ATXN2L: variants seen among roughly 807,000 people sequenced by gnomAD.
The protein encoded by ATXN2L is ataxin-2-like protein.
Under a neutral mutation model 120.7 loss-of-function variants are expected in ATXN2L, and 24 were observed. That is an observed-to-expected ratio of 0.20 (90% confidence interval 0.14 to 0.28). The LOEUF is 0.28. Ranked by LOEUF, ATXN2L falls within the 10% of genes least tolerant of loss-of-function variation. The pLI is 1.00. For synonymous variants in ATXN2L, 653 were observed against 568.1 expected (o/e 1.15, Z -2.13); for missense variants, 1,312 against 1,432.3 (o/e 0.92, Z 1.36).
chr16:28,832,127 T>C, intron 10 of ATXN2L, 78 bp from the exon 11 acceptor site: 1 of 1,484,206 alleles, frequency 6.7e-7, no homozygotes, highest in Non-Finnish European at 9.3e-7. Flanking sequence ...TAAACTTTCT[T>C]GCTGTTTTGA....
Position 28,829,391 on chromosome 16 carries a change from C to G in ATXN2L, c.742-10C>G. The G allele has an allele frequency of 6.2e-7, 1 of 1,600,252 alleles. No individual in the cohort carries two copies. The highest frequency in any genetic ancestry group is 8.6e-7 in the Non-Finnish European group (1 of 1,167,452). ...TGCTGGGTTTTAAAACCACCTTCCT[C>G]CCTCCCCAGTCCAATGGATGGGACC... On this transcript the variant is annotated splice_polypyrimidine_tract_variant and intron_variant, in intron 6 of 21. Transcript: ENST00000336783.
At chr16:28,828,857 G>A (rs955350899) in intron 6 of ATXN2L, among the ~76,000 whole-genome samples, 16 of 152,098 alleles carry the variant, frequency 1.1e-4, no homozygotes, top group Non-Finnish European at 2.2e-4. Context: ...CCAGGTTCAA[G>A]CGATTCTTCT....
In ATXN2L at chr16:28,823,382, G is replaced by T. The variant is rs1325111481; in HGVS notation, c.123G>T (p.Pro41=). The T allele has an allele frequency of 7.5e-7, 1 of 1,338,524 alleles. No individual in the cohort carries two copies. Among genetic ancestry groups the T allele is most frequent in the Non-Finnish European group, 9.5e-7 (1 of 1,048,196 alleles). The allele number at this position is 1,338,524 out of a possible 1,614,324, so 82.9% of individuals were successfully genotyped here. ...TSPPNGGLPG[P]LATSAAPPGP... is the part of the protein sequence containing the mutation. ...CTCCCAACGGCGGCCTCCCGGGGCC[G>T]CTGGCCACCTCTGCGGCTCCTCCCG... The change falls in exon 1 of 22, where the codon CCG becomes CCT. Residue 41 remains proline, a synonymous_variant. Transcript: ENST00000336783.
At chr16:28,825,866 T>C in intron 4 of ATXN2L, 25 bp downstream of exon 4, 1 of 1,599,074 alleles carries the variant, frequency 6.3e-7, no homozygotes, top group Non-Finnish European at 8.6e-7. Flanking sequence ...ATTTAATTAT[T>C]TTTGGAGTTG....
At chr16:28,826,651 CT>C (rs1243482422) in intron 5 of ATXN2L, 4 of 656,488 alleles carry the variant, frequency 6.1e-6, no homozygotes, top group African/African-American at 3.7e-5. Context: ...TTTTTAACTT[CT>C]TTTTTCTTTG....
chr16:28,831,067 C>T lies in ATXN2L; in HGVS notation c.1316C>T (p.Pro439Leu). 1.3e-6 allele frequency: 2 copies of T among 1,599,742 alleles called. No individual in the cohort carries two copies. Among genetic ancestry groups the T allele is most frequent in the Non-Finnish European group, 1.7e-6 (2 of 1,170,842 alleles). ...GGAGAAACTTCTGTTCCACCTCCTC[C>T]TGCAGGTAAAGCTTTAGTAGTGTTG... ...PSGETSVPPPPAVGRMYPPRS... is the reference protein window; with the variant it reads ...PSGETSVPPPLAVGRMYPPRS... The change falls in exon 10 of 22, where the codon CCT (proline) becomes CTT (leucine). Residue 439 changes from proline (P) to leucine (L), a missense_variant. Transcript: ENST00000336783.
chr16:28,825,015 G>T (rs2051294559), intron 1 of ATXN2L, among the ~76,000 whole-genome samples: 1 of 151,390 alleles, frequency 6.6e-6, no homozygotes, highest in Admixed American at 6.6e-5. Context: ...ATCGATACCA[G>T]CCTGGGCAAC....
At chr16:28,833,861 C>T (rs148454950) in intron 15 of ATXN2L, 102 of 709,268 alleles carry the variant, frequency 1.4e-4, no homozygotes, top group African/African-American at 1.1e-3. Context: ...GGTTTGTGAT[C>T]TTGGACGTCA....
chr16:28,836,067 G>A lies in ATXN2L; in HGVS notation c.3030G>A (p.Val1010=), dbSNP rs543373495. Residue 1010 remains valine, a synonymous_variant, in exon 22 of 22, where the codon GTG becomes GTA. Coordinates refer to ENST00000336783, the MANE Select transcript of ATXN2L (RefSeq NM_007245.4). ...PPQGAVPQSG[V]PALSASTPSP... Reference sequence around the variant, plus strand: ...AAGGCGCGGTGCCCCAGAGTGGGGTGCCTGCACTCTCAGCTTCCACACCCT... The same window carrying A: ...AAGGCGCGGTGCCCCAGAGTGGGGTACCTGCACTCTCAGCTTCCACACCCT... 3.7e-6 allele frequency: 6 copies of A among 1,610,708 alleles called. No individual in the cohort carries two copies. The highest frequency in any genetic ancestry group is 2.2e-5 in the East Asian group (1 of 44,772).
intron 9 of ATXN2L, 28 bp from the exon 10 acceptor site, chr16:28,830,934 C>T (rs750857696): frequency 8.0e-7 from 1 of 1,256,534 alleles, no homozygotes; most frequent in Non-Finnish European, 1.1e-6. Flanking sequence ...ACATTTTCTT[C>T]TCAAAAAAAA....
Position 28,835,326 on chromosome 16 carries a change from A to T in ATXN2L, c.2612A>T (p.His871Leu). The T allele has an allele frequency of 6.2e-7, 1 of 1,611,866 alleles. No homozygotes were observed. The highest frequency in any genetic ancestry group is 8.5e-7 in the Non-Finnish European group (1 of 1,179,636). Residue 871 changes from histidine to leucine, a missense_variant, in exon 20 of 22, where the codon CAC (histidine) becomes CTC (leucine). His to Leu is a moderately conservative substitution (Grantham distance 99). Coordinates refer to ENST00000336783, the MANE Select transcript of ATXN2L (RefSeq NM_007245.4). ...CACCATGCCACACAGCTCCATGCCC[A>T]CCAGCCGCAGCCGGCTACCACGCCT... ...YPHHATQLHA[H>L]QPQPATTPTG...
chr16:28,832,766 C>T, intron 12 of ATXN2L, 51 bp from the exon 13 acceptor site: 2 of 1,590,778 alleles, frequency 1.3e-6, no homozygotes, highest in South Asian at 1.1e-5. Context: ...GTGTAGCCAC[C>T]TTAGAGAAAG....
At chr16:28,830,208 T>A in intron 8 of ATXN2L, 150 bp downstream of exon 8, 1 of 751,572 alleles carries the variant, frequency 1.3e-6, no homozygotes, top group Non-Finnish European at 1.9e-6. Context: ...CGAGATTATG[T>A]AATTTGCCTA....
rs759694784 is a variant in ATXN2L, at chr16:28,825,823, C to T, written c.447C>T (p.Phe149=). 1.2e-6 allele frequency: 2 copies of T among 1,613,780 alleles called. No individual in the cohort carries two copies. Among genetic ancestry groups the T allele is most frequent in the Non-Finnish European group, 1.7e-6 (2 of 1,179,724 alleles). ...ATGGTACCACTTATGAGGGTATCTT[C>T]AAGACGCTAAGCTCAAAGGTCAGTG... is the stretch of plus-strand genomic sequence containing the variant. ...VKNGTTYEGI[F]KTLSSKFELA... Residue 149 remains phenylalanine, a synonymous_variant, in exon 4 of 22, where the codon TTC becomes TTT. Coordinates refer to ENST00000336783, the MANE Select transcript of ATXN2L (RefSeq NM_007245.4).
chr16:28,835,404 C>T lies in ATXN2L; in HGVS notation c.2685+5C>T. 1.9e-6 allele frequency: 3 copies of T among 1,612,634 alleles called. No homozygotes were observed. The highest frequency in any genetic ancestry group is 1.7e-4 in the Middle Eastern group (1 of 6,042). On this transcript the variant is annotated splice_donor_5th_base_variant and intron_variant, in intron 20 of 21. Transcript: ENST00000336783. ...GCGGCCCCCAGTCCTGTCCAGGTGCCTGCCATGGGGGGTGCTGAGTGGTCC... is the reference window on the plus strand; with the variant it reads ...GCGGCCCCCAGTCCTGTCCAGGTGCTTGCCATGGGGGGTGCTGAGTGGTCC...
chr16:28,823,307 G>T lies in ATXN2L; in HGVS notation c.48G>T (p.Pro16=), dbSNP rs368613951. 2.4e-5 allele frequency: 36 copies of T among 1,487,600 alleles called. No homozygotes were observed. In the African/African-American group the frequency reaches 3.6e-4, roughly 15 times the overall value. The allele number at this position is 1,487,600 out of a possible 1,614,324, so 92.2% of individuals were successfully genotyped here. A position where few individuals can be genotyped will look rare whatever the true frequency, so the allele number is the denominator to read the frequency against. ...PLQQPSQPQQ[P]PPTQQAVARR... is the part of the protein sequence containing the mutation. ...AACAGCCCTCCCAGCCCCAGCAGCC[G>T]CCCCCCACGCAACAGGCCGTGGCCC... is the stretch of plus-strand genomic sequence containing the variant. The change falls in exon 1 of 22, where the codon CCG becomes CCT. Residue 16 remains proline (P), a synonymous_variant. Coordinates refer to ENST00000336783, the MANE Select transcript of ATXN2L (RefSeq NM_007245.4).
At chr16:28,826,611 G>C (rs771622997) in intron 5 of ATXN2L, 19 of 592,394 alleles carry the variant, frequency 3.2e-5, no homozygotes, top group Non-Finnish European at 5.0e-5. Flanking sequence ...TCCTGTCTGT[G>C]TTGTGGTTCT....
At chr16:28,826,691 C>G in intron 5 of ATXN2L, 171 bp from the exon 6 acceptor site, 1 of 751,158 alleles carries the variant, frequency 1.3e-6, no homozygotes, top group Non-Finnish European at 2.0e-6. Context: ...ACTTTTTATA[C>G]TCTTCTTCTC....
At chr16:28,823,802 C>G in intron 1 of ATXN2L, 1 of 405,476 alleles carries the variant, frequency 2.5e-6, no homozygotes, top group Non-Finnish European at 4.2e-6. Flanking sequence ...CAGCCCCGGC[C>G]TTCAGGGGAG....
Sources: allele counts gnomAD v4.1 joint callset (sites outside exome capture counted in the v4.1 genomes callset), GRCh38; gene constraint gnomAD v4.1.1; transcripts MANE v1.5; gene names NCBI Gene and HGNC (gene_info 2026-07-23, HGNC 2026-07-21).